Variants in XIRP2 observed in about 807,000 individuals in gnomAD.
XIRP2 encodes the protein xin actin binding repeat containing 2.
Under a neutral mutation model 277.0 loss-of-function variants are expected in XIRP2, and 236 were observed. The observed-to-expected ratio is 0.85, with a 90% CI of 0.77 to 0.95. The LOEUF (loss-of-function observed/expected upper bound fraction) is 0.95. Among genes scored for constraint, XIRP2 ranks in the 40% least tolerant of loss-of-function variants. The probability of loss-of-function intolerance (pLI) is 0.00; values close to 1 mark genes in which losing one functional copy is unlikely to be tolerated. For missense variants in XIRP2, 4,640 were observed against 4,157.5 expected (o/e 1.12, Z -3.19); for synonymous variants, 1,490 against 1,416.5 (o/e 1.05, Z -1.17).
At chr2:167,229,309 A>G (rs941160400) in intron 5 of XIRP2, among the ~76,000 whole-genome samples, 2 of 152,196 alleles carry the variant, frequency 1.3e-5, no homozygotes, top group Non-Finnish European at 2.9e-5. Context: ...TATATAAAAT[A>G]GAATTCTCAA....
Position 166,984,226 on chromosome 2 carries a change from C to G in XIRP2, c.408+80336C>G, listed in dbSNP as rs557732726. 2.6e-5 allele frequency among the ~76,000 whole-genome samples: 4 copies of G among 152,246 alleles called. No individual in the cohort carries two copies. The South Asian group carries it at 8.3e-4, about 32-fold the overall frequency. On this transcript the variant is annotated intron_variant, in intron 2 of 10. Transcript: ENST00000409195. ...CTAAATGACAGGGAAATTATTCTAC[C>G]AAGTCTTCAAAAAGAGCAATTTTAC...
At chr2:167,227,360 G>C (rs1409227058) in intron 5 of XIRP2, among the ~76,000 whole-genome samples, 1 of 151,910 alleles carries the variant, frequency 6.6e-6, no homozygotes, top group Non-Finnish European at 1.5e-5. Context: ...CTTTGCTGGT[G>C]GTAGACTATA....
chr2:166,928,707 CTGGCTGTCTTTAAAT>C (rs1355291495), intron 2 of XIRP2, among the ~76,000 whole-genome samples: 1 of 152,102 alleles, frequency 6.6e-6, no homozygotes, highest in Non-Finnish European at 1.5e-5. Context: ...CACACTGCAA[CTGGCTGTCTTTAAAT>C]AAATGCATAT....
At chr2:166,942,040 A>G (rs1437397608) in intron 2 of XIRP2, among the ~76,000 whole-genome samples, 1 of 152,214 alleles carries the variant, frequency 6.6e-6, no homozygotes, top group African/African-American at 2.4e-5. Flanking sequence ...AGAATAATAT[A>G]TTCATTCTAC....
chr2:166,938,157 T>C (rs1038371612), intron 2 of XIRP2, among the ~76,000 whole-genome samples: 5 of 152,222 alleles, frequency 3.3e-5, no homozygotes, highest in Non-Finnish European at 5.9e-5. Flanking sequence ...TGTTTGCTCT[T>C]GCTTTTCTAG....
intron 2 of XIRP2, among the ~76,000 whole-genome samples, chr2:167,019,344 C>A (rs1687920909): frequency 6.6e-6 from 1 of 151,848 alleles, no homozygotes; most frequent in Non-Finnish European, 1.5e-5. Flanking sequence ...AATAGCGACC[C>A]CAATAATAAT....
At chr2:166,928,957 C>CA (rs1302844463) in intron 2 of XIRP2, among the ~76,000 whole-genome samples, 1 of 152,082 alleles carries the variant, frequency 6.6e-6, no homozygotes, top group Non-Finnish European at 1.5e-5. Context: ...TGCCACCATT[C>CA]AGTGTAACAA....
chr2:167,072,967 CA>C (rs1558969324), intron 2 of XIRP2, among the ~76,000 whole-genome samples: 1 of 151,816 alleles, frequency 6.6e-6, no homozygotes, highest in African/African-American at 2.4e-5. Flanking sequence ...ACTGATTAAC[CA>C]AAAAGAAAAC....
intron 2 of XIRP2, among the ~76,000 whole-genome samples, chr2:167,012,709 T>C (rs1163970749): frequency 6.6e-6 from 1 of 151,464 alleles, no homozygotes; most frequent in Non-Finnish European, 1.5e-5. Flanking sequence ...TCCTTCTTTC[T>C]TCATTGAAAT....
At chr2:167,115,656 A>G (rs1416030826) in intron 2 of XIRP2, among the ~76,000 whole-genome samples, 1 of 151,972 alleles carries the variant, frequency 6.6e-6, no homozygotes, top group Non-Finnish European at 1.5e-5. Flanking sequence ...CTGTTCTCAC[A>G]TTGCTTTTTT....
intron 3 of XIRP2, among the ~76,000 whole-genome samples, chr2:167,201,243 A>AGGG (rs1445876001): frequency 7.6e-6 from 1 of 131,708 alleles, no homozygotes; most frequent in African/African-American, 3.2e-5. Context: ...AGAAAGAAAG[A>AGGG]AAGAAAGAAA....
chr2:167,089,599 G>T (rs1690081446), intron 2 of XIRP2, among the ~76,000 whole-genome samples: 1 of 152,136 alleles, frequency 6.6e-6, no homozygotes, highest in South Asian at 2.1e-4. Context: ...ATATGTGTGT[G>T]TGTGTATTAC....
At chr2:167,021,751 A>G (rs1478082527) in intron 2 of XIRP2, among the ~76,000 whole-genome samples, 1 of 152,006 alleles carries the variant, frequency 6.6e-6, no homozygotes, top group African/African-American at 2.4e-5. Flanking sequence ...CATGAGCCCA[A>G]GAGATTGAGG....
chr2:167,053,727 T>C (rs1370050541), intron 2 of XIRP2, among the ~76,000 whole-genome samples: 1 of 152,248 alleles, frequency 6.6e-6, no homozygotes, highest in Non-Finnish European at 1.5e-5. Flanking sequence ...TTCTGTATGA[T>C]AATAGGATCA....
At chr2:166,909,221 C>A (rs1684628462) in intron 2 of XIRP2, among the ~76,000 whole-genome samples, 1 of 152,120 alleles carries the variant, frequency 6.6e-6, no homozygotes, top group African/African-American at 2.4e-5. Flanking sequence ...ATGGGATTTT[C>A]ATGATATTGA....
chr2:166,916,377 C>T (rs931299681), intron 2 of XIRP2, among the ~76,000 whole-genome samples: 2 of 152,156 alleles, frequency 1.3e-5, no homozygotes, highest in East Asian at 3.9e-4. Context: ...CCCCATTCCC[C>T]ACCCTCTCCT....
At position 166,907,757 on chromosome 2, in the gene XIRP2, TC is replaced by T. The variant is rs68171362; in HGVS notation, c.408+3874del. 4.9e-3 allele frequency among the ~76,000 whole-genome samples: 306 copies of T among 62,446 alleles called. 4 individuals are homozygous for T. Among genetic ancestry groups the T allele is most frequent in the South Asian group, 0.035 (47 of 1,358 alleles). 41.0% of individuals were successfully genotyped at this position (62,446 alleles called of 152,430 possible). On this transcript the variant is annotated intron_variant, in intron 2 of 10. Coordinates refer to ENST00000409195, the MANE Select transcript of XIRP2 (RefSeq NM_152381.6). The stretch of plus-strand genomic sequence containing the variant: ...TAGGTATATCTCCTAAGGCTATCCC[TC>T]CCCCCCTCCCCCCACCCCATGACAG...
chr2:167,214,695 T>A (rs1467173591), intron 4 of XIRP2, among the ~76,000 whole-genome samples: 1 of 151,914 alleles, frequency 6.6e-6, no homozygotes, highest in East Asian at 2.0e-4. Flanking sequence ...GCCTCCCAAA[T>A]AGCTGGAATT....
chr2:167,143,148 T>C (rs1180688730), intron 3 of XIRP2, among the ~76,000 whole-genome samples: 1 of 145,086 alleles, frequency 6.9e-6, no homozygotes, highest in East Asian at 2.1e-4. Flanking sequence ...AAATATTTAC[T>C]GAACAGGTAC....
Sources: allele counts gnomAD v4.1 joint callset (sites outside exome capture counted in the v4.1 genomes callset), GRCh38; gene constraint gnomAD v4.1.1; transcripts MANE v1.5; gene names NCBI Gene and HGNC (gene_info 2026-07-23, HGNC 2026-07-21).